TMEM163: variants seen among roughly 807,000 people sequenced by gnomAD.
TMEM163 encodes transmembrane protein 163.
In TMEM163, 17 loss-of-function variants were observed where a neutral mutation model predicts 29.3. The ratio of observed to expected loss-of-function variants is 0.58; its 90% CI spans 0.40 to 0.87. The LOEUF (loss-of-function observed/expected upper bound fraction) is 0.87. TMEM163 is among the 40% of genes least tolerant of loss of function. The probability of loss-of-function intolerance (pLI) is 0.00; values close to 1 mark genes in which losing one functional copy is unlikely to be tolerated. For synonymous variants in TMEM163, 157 were observed against 160.6 expected (o/e 0.98, Z 0.17); for missense variants, 303 against 381.5 (o/e 0.79, Z 1.71).
intron 5 of TMEM163, among the ~76,000 whole-genome samples, chr2:134,479,636 C>G (rs1687002781): frequency 6.6e-6 from 1 of 152,142 alleles, no homozygotes; most frequent in Non-Finnish European, 1.5e-5. Context: ...TAAAACCATA[C>G]AGCATTAGAA....
rs1251226282 is a variant in TMEM163, at chr2:134,487,353, A to C, written c.555+15548T>G. On this transcript the variant is annotated intron_variant, in intron 5 of 7. Coordinates refer to ENST00000281924, the MANE Select transcript of TMEM163 (RefSeq NM_030923.5). Reference sequence around the variant, plus strand: ...AATTAAATACAAACACTTAATAGCAATAAAACTCACAAAATATAGAGGAAT... The same window carrying C: ...AATTAAATACAAACACTTAATAGCACTAAAACTCACAAAATATAGAGGAAT... Among the ~76,000 whole-genome samples the C allele has an allele frequency of 2.0e-5, 3 of 152,248 alleles. No individual in the cohort carries two copies. The East Asian group carries it at 5.8e-4, about 29-fold the overall frequency.
chr2:134,589,704 C>G (rs1048124128), intron 2 of TMEM163, among the ~76,000 whole-genome samples: 3 of 152,224 alleles, frequency 2.0e-5, no homozygotes, highest in Non-Finnish European at 4.4e-5. Flanking sequence ...AAATAGCCAA[C>G]CAGCAGCCCT....
At position 134,482,462 on chromosome 2, in the gene TMEM163, C is replaced by A. The variant is rs1469369230; in HGVS notation, c.556-16237G>T. On this transcript the variant is annotated intron_variant, in intron 5 of 7. Transcript: ENST00000281924. ...GGAATAGGAGGCTCACTTGCTTATG[C>A]CTGCAAAAAGGCGTCCTCTGCCTTC... Among the ~76,000 whole-genome samples, 8 of 152,274 alleles carry A rather than the reference C, an allele frequency of 5.3e-5. 1 individual carries two copies. The highest frequency in any genetic ancestry group is 1.9e-4 in the African/African-American group (8 of 41,566).
At chr2:134,616,359 G>A (rs1212029553) in intron 2 of TMEM163, among the ~76,000 whole-genome samples, 1 of 152,190 alleles carries the variant, frequency 6.6e-6, no homozygotes, top group African/African-American at 2.4e-5. Flanking sequence ...TTTTGCAAGA[G>A]TTCCAATGGG....
At chr2:134,661,544 A>G (rs913186078) in intron 2 of TMEM163, among the ~76,000 whole-genome samples, 1 of 152,256 alleles carries the variant, frequency 6.6e-6, no homozygotes, top group African/African-American at 2.4e-5. Flanking sequence ...AAGATCGTGC[A>G]ACCCTATTCA....
chr2:134,613,952 G>GT (rs550515484), intron 2 of TMEM163, among the ~76,000 whole-genome samples: 54 of 151,812 alleles, frequency 3.6e-4, no homozygotes, highest in African/African-American at 1.1e-3. Flanking sequence ...TCCCAGTAAG[G>GT]TTTTTTTTGT....
At chr2:134,482,954 G>C (rs921492104) in intron 5 of TMEM163, among the ~76,000 whole-genome samples, 1 of 152,076 alleles carries the variant, frequency 6.6e-6, no homozygotes, top group Non-Finnish European at 1.5e-5. Context: ...TGGCCAACCT[G>C]CCAGGTGAGG....
intron 2 of TMEM163, among the ~76,000 whole-genome samples, chr2:134,626,160 A>G (rs1258531768): frequency 7.9e-6 from 1 of 127,040 alleles, no homozygotes; most frequent in Non-Finnish European, 1.6e-5. Context: ...GCTGGAGTGC[A>G]GTGGCATGAT....
At chr2:134,465,198 A>AAAAAACAAAC (rs1686640516) in intron 6 of TMEM163, among the ~76,000 whole-genome samples, 1 of 144,364 alleles carries the variant, frequency 6.9e-6, no homozygotes, top group Non-Finnish European at 1.5e-5. Flanking sequence ...TTAAAAAAAA[A>AAAAAACAAAC]AAAAACAAAA....
chr2:134,646,443 T>TTTTATTTA (rs998302386), intron 2 of TMEM163, among the ~76,000 whole-genome samples: 2 of 151,630 alleles, frequency 1.3e-5, no homozygotes, highest in South Asian at 2.1e-4. Context: ...CATTCTATGC[T>TTTTATTTA]TTTATTTATT....
chr2:134,460,946 T>TG lies in TMEM163; in HGVS notation c.668-2774dup, dbSNP rs1427301143. ...ATTTCAGCTTCACTTCTTGAGAGTC[T>TG]GCCTGAGGATGCTGGATCAAGCACA... On this transcript the variant is annotated intron_variant, in intron 6 of 7. Transcript: ENST00000281924. This position sits in a 1 kb window ranked among gnomAD's most constrained non-coding sequence, Gnocchi z 4.3. 1.3e-5 allele frequency among the ~76,000 whole-genome samples: 2 copies of TG among 152,226 alleles called. No homozygotes were observed. The highest frequency in any genetic ancestry group is 2.9e-5 in the Non-Finnish European group (2 of 68,036).
chr2:134,634,013 ATATATAT>A (rs1683046046), intron 2 of TMEM163, among the ~76,000 whole-genome samples: 3 of 32,958 alleles, frequency 9.1e-5, no homozygotes, highest in Non-Finnish European at 1.8e-4. Context: ...ATATATATAT[ATATATAT>A]AATAGGACTG....
intron 2 of TMEM163, among the ~76,000 whole-genome samples, chr2:134,686,416 C>T (rs752566676): frequency 1.2e-4 from 19 of 152,076 alleles, no homozygotes; most frequent in Non-Finnish European, 2.2e-4. Flanking sequence ...CTTCCAGGGG[C>T]AGAACCCCAG....
At chr2:134,620,322 T>C (rs927335808) in intron 2 of TMEM163, among the ~76,000 whole-genome samples, 7 of 152,026 alleles carry the variant, frequency 4.6e-5, no homozygotes, top group Non-Finnish European at 1.0e-4. Flanking sequence ...AATGGCGCGA[T>C]CTCGGCTCAC....
intron 2 of TMEM163, among the ~76,000 whole-genome samples, chr2:134,693,071 T>C: frequency 6.6e-6 from 1 of 152,128 alleles, no homozygotes; most frequent in Middle Eastern, 3.2e-3. Context: ...AAGACATCTC[T>C]GGACCCCCCT....
chr2:134,713,491 T>C, intron 1 of TMEM163, 172 bp from the exon 2 acceptor site: 4 of 941,534 alleles, frequency 4.2e-6, no homozygotes, highest in Non-Finnish European at 6.7e-6. Context: ...AATCAAGCTT[T>C]CTGGCACCCC....
chr2:134,536,615 A>G (rs1472019581), intron 4 of TMEM163, among the ~76,000 whole-genome samples: 1 of 152,186 alleles, frequency 6.6e-6, no homozygotes, highest in African/African-American at 2.4e-5. Flanking sequence ...TCTGCCACCT[A>G]TAAAACTGGA....
rs545781903 is a variant in TMEM163 at position 134,715,273 on chromosome 2, C to T, written c.203-1954G>A. 5.9e-5 allele frequency among the ~76,000 whole-genome samples: 9 copies of T among 152,326 alleles called. No homozygotes were observed. The South Asian group carries it at 1.2e-3, about 21-fold the overall frequency. On this transcript the variant is annotated intron_variant, in intron 1 of 7. Transcript: ENST00000281924. ...AATAATATAACTGGTCCTGACCACA[C>T]ATGTGGACCAATCTACATGCTTCAC...
chr2:134,709,841 A>G (rs550834413), intron 2 of TMEM163, among the ~76,000 whole-genome samples: 2 of 152,338 alleles, frequency 1.3e-5, no homozygotes, highest in South Asian at 4.1e-4. Context: ...AAACATTTGC[A>G]GTCTGTTCTC....
Sources: allele counts gnomAD v4.1 joint callset (sites outside exome capture counted in the v4.1 genomes callset), GRCh38; gene constraint gnomAD v4.1.1; non-coding constraint Gnocchi (gnomAD v3.1); transcripts MANE v1.5; gene names NCBI Gene and HGNC (gene_info 2026-07-23, HGNC 2026-07-21).